The following ACACB variants were observed in gnomAD, a reference collection of about 807,000 sequenced individuals.
ACACB encodes acetyl-CoA carboxylase beta.
Under a neutral mutation model 278.8 loss-of-function variants are expected in ACACB, and 209 were observed. That is an observed-to-expected ratio of 0.75 (90% CI 0.67 to 0.84). The LOEUF (loss-of-function observed/expected upper bound fraction) is 0.84, where lower values mean the gene tolerates loss of function less well. Ranked by LOEUF, ACACB falls within the 40% of genes least tolerant of loss-of-function variation. The pLI, the probability that ACACB is intolerant of heterozygous loss-of-function variation, is 0.00. For synonymous variants in ACACB, 1,174 were observed against 1,285.6 expected (o/e 0.91, Z 1.86); for missense variants, 2,850 against 3,269.0 (o/e 0.87, Z 3.13).
At chr12:109,221,027 G>A (rs1264064891) in intron 24 of ACACB, among the ~76,000 whole-genome samples, 2 of 152,182 alleles carry the variant, frequency 1.3e-5, no homozygotes, top group Non-Finnish European at 2.9e-5. Flanking sequence ...GCCAGCACCT[G>A]TGCTGTCTGG....
chr12:109,241,031 T>G (rs2046781004), intron 35 of ACACB, 47 bp from the exon 36 acceptor site: 2 of 1,592,018 alleles, frequency 1.3e-6, no homozygotes, highest in Non-Finnish European at 8.6e-7. Flanking sequence ...GCAAATGTCC[T>G]TGGGATGTCT....
chr12:109,133,859 A>ATTTTT (rs2042897561), intron 1 of ACACB, among the ~76,000 whole-genome samples: 1 of 48,248 alleles, frequency 2.1e-5, no homozygotes, highest in African/African-American at 9.9e-5. Flanking sequence ...ATATATATAT[A>ATTTTT]TATATTTTTT....
chr12:109,213,009 C>A, intron 22 of ACACB, 73 bp downstream of exon 22: 8 of 1,327,184 alleles, frequency 6.0e-6, no homozygotes, highest in African/African-American at 1.4e-5. Context: ...GGGTGGTGCT[C>A]TGGGGCTGTC....
chr12:109,193,527 C>T (rs2044972032), intron 15 of ACACB, 121 bp from the exon 16 acceptor site: 3 of 792,310 alleles, frequency 3.8e-6, no homozygotes, highest in Non-Finnish European at 6.4e-6. Flanking sequence ...CCAGGCTTAG[C>T]ATTTTTAGTG....
chr12:109,153,486 T>C (rs1220039002), intron 2 of ACACB, among the ~76,000 whole-genome samples: 1 of 152,196 alleles, frequency 6.6e-6, no homozygotes, highest in Non-Finnish European at 1.5e-5. Flanking sequence ...AATTAATGTG[T>C]ACACTGGGAG....
chr12:109,236,908 C>G (rs957148092), intron 33 of ACACB, among the ~76,000 whole-genome samples: 1 of 151,982 alleles, frequency 6.6e-6, no homozygotes, highest in Non-Finnish European at 1.5e-5. Flanking sequence ...TAGCTAGGTT[C>G]CCCCAGGAGC....
intron 36 of ACACB, 88 bp from the exon 37 acceptor site, chr12:109,242,349 T>A: frequency 6.9e-7 from 1 of 1,451,584 alleles, no homozygotes; most frequent in Non-Finnish European, 9.5e-7. Flanking sequence ...TTCCCCCACC[T>A]GCATTTTCAT....
At chr12:109,190,223 G>A (rs1441395015) in intron 13 of ACACB, among the ~76,000 whole-genome samples, 1 of 152,220 alleles carries the variant, frequency 6.6e-6, no homozygotes, top group Admixed American at 6.5e-5. Flanking sequence ...CGAGTAGCTG[G>A]GACTATAGGC....
At chr12:109,240,970 G>A in intron 35 of ACACB, 108 bp from the exon 36 acceptor site, 1 of 1,033,000 alleles carries the variant, frequency 9.7e-7, no homozygotes, top group Admixed American at 2.0e-5. Context: ...CTATGTCCCA[G>A]GCGTTTTTGC....
intron 2 of ACACB, among the ~76,000 whole-genome samples, chr12:109,148,726 C>T (rs1264297577): frequency 1.3e-5 from 2 of 152,084 alleles, no homozygotes; most frequent in Non-Finnish European, 2.9e-5. Flanking sequence ...ATATAACATG[C>T]TTAGAATAGT....
chr12:109,225,229 G>A (rs988328805), intron 27 of ACACB, among the ~76,000 whole-genome samples: 1 of 152,180 alleles, frequency 6.6e-6, no homozygotes, highest in African/African-American at 2.4e-5. Context: ...CTACGCTCAA[G>A]CGATCCTCCT....
rs548448484 is a variant in ACACB at position 109,184,130 on chromosome 12, G to T, written c.1819-1449G>T. On this transcript the variant is annotated intron_variant, in intron 11 of 52. Coordinates refer to ENST00000338432, the MANE Select transcript of ACACB (RefSeq NM_001093.4). ...TGCAGTGGTGCGATCTTGGCTCACT[G>T]CAACCTCCACCTCCCAGGTTCAAGC... is the stretch of plus-strand genomic sequence containing the variant. 2.6e-5 allele frequency among the ~76,000 whole-genome samples: 4 copies of T among 151,444 alleles called. No individual in the cohort carries two copies. The South Asian group carries it at 8.4e-4, about 32-fold the overall frequency.
intron 2 of ACACB, among the ~76,000 whole-genome samples, chr12:109,166,530 A>C (rs533939614): frequency 3.3e-4 from 50 of 151,698 alleles, no homozygotes; most frequent in African/African-American, 1.1e-3. Context: ...AAATGTTTAA[A>C]AGTCGGCTGG....
chr12:109,193,643 T>C lies in ACACB; in HGVS notation c.2400-5T>C, dbSNP rs535195179. Reference sequence around the variant, plus strand: ...GGCTGACCACAACCCTGTCTTTTCTTTCAGGGGCCAGGTCCTCCCAGCGGA... The same window carrying C: ...GGCTGACCACAACCCTGTCTTTTCTCTCAGGGGCCAGGTCCTCCCAGCGGA... On this transcript the variant is annotated splice_polypyrimidine_tract_variant and splice_region_variant and intron_variant, in intron 15 of 52. Transcript: ENST00000338432. The C allele has an allele frequency of 7.4e-6, 12 of 1,611,988 alleles. No individual in the cohort carries two copies. In the South Asian group the frequency reaches 1.3e-4, roughly 18 times the overall value.
At chr12:109,227,792 G>A (rs951849691) in intron 28 of ACACB, among the ~76,000 whole-genome samples, 1 of 152,232 alleles carries the variant, frequency 6.6e-6, no homozygotes, top group Admixed American at 6.5e-5. Context: ...CAGCACTTTG[G>A]GGGGCCGAGG....
At chr12:109,238,063 G>A (rs1008475491) in intron 34 of ACACB, among the ~76,000 whole-genome samples, 1 of 149,998 alleles carries the variant, frequency 6.7e-6, no homozygotes, top group African/African-American at 2.4e-5. Context: ...TGATTATATT[G>A]TGAAAATTTT....
intron 37 of ACACB, among the ~76,000 whole-genome samples, chr12:109,245,394 C>T (rs2136699758): frequency 6.6e-6 from 1 of 152,236 alleles, no homozygotes; most frequent in Admixed American, 6.5e-5. Flanking sequence ...GCTTCAATCG[C>T]ATCTTTCTTC....
intron 42 of ACACB, 67 bp downstream of exon 42, chr12:109,252,223 G>A: frequency 9.2e-7 from 1 of 1,082,350 alleles, no homozygotes; most frequent in Non-Finnish European, 1.3e-6. Context: ...CATTCCCATT[G>A]GTCTCTGGTG....
At chr12:109,251,297 C>A (rs1052868647) in intron 41 of ACACB, among the ~76,000 whole-genome samples, 3 of 152,194 alleles carry the variant, frequency 2.0e-5, no homozygotes, top group African/African-American at 7.2e-5. Context: ...CTAACTATCA[C>A]CTGATGGTTG....
Sources: gnomAD v4.1 joint callset for allele counts (sites outside exome capture counted in the v4.1 genomes callset) on GRCh38, gnomAD v4.1.1 for gene constraint, MANE v1.5 for transcripts, NCBI Gene and HGNC (gene_info 2026-07-23, HGNC 2026-07-21) for gene names.